The following LRRC4C variants were observed in gnomAD, a reference collection of about 807,000 sequenced individuals.
The protein encoded by LRRC4C is leucine rich repeat containing 4C, also known as leucine-rich repeat-containing protein 4C.
Under a neutral mutation model 33.6 loss-of-function variants are expected in LRRC4C, and 5 were observed. That is an observed-to-expected ratio of 0.15 (90% CI 0.08 to 0.31). The LOEUF (loss-of-function observed/expected upper bound fraction) is 0.31, where lower values mean the gene tolerates loss of function less well. LRRC4C is among the 10% of genes least tolerant of loss of function. The pLI is 1.00. For synonymous variants in LRRC4C, 329 were observed against 302.0 expected (o/e 1.09, Z -0.93); for missense variants, 560 against 796.7 (o/e 0.70, Z 3.58).
intron 3 of LRRC4C, among the ~76,000 whole-genome samples, chr11:40,438,630 A>G (rs1175292360): frequency 6.6e-6 from 1 of 152,216 alleles, no homozygotes; most frequent in Non-Finnish European, 1.5e-5. Context: ...GGAAGAGAAG[A>G]AAAACATTTT....
At chr11:40,417,550 C>G (rs566115797) in intron 3 of LRRC4C, among the ~76,000 whole-genome samples, 43 of 151,884 alleles carry the variant, frequency 2.8e-4, no homozygotes, top group African/African-American at 9.9e-4. Context: ...CCATGTTGGC[C>G]AGGCTCAAGT....
At chr11:40,832,511 A>G (rs1347987542) in intron 2 of LRRC4C, among the ~76,000 whole-genome samples, 1 of 152,178 alleles carries the variant, frequency 6.6e-6, no homozygotes, top group Non-Finnish European at 1.5e-5. Context: ...TAAATCCCAA[A>G]CTAGAATCTC....
intron 5 of LRRC4C, among the ~76,000 whole-genome samples, chr11:40,150,985 G>A (rs1385927801): frequency 6.6e-6 from 1 of 152,128 alleles, no homozygotes; most frequent in Non-Finnish European, 1.5e-5. Flanking sequence ...CTACCTAAAT[G>A]TCATCTGCTT....
chr11:40,365,594 A>T (rs1948172985), intron 3 of LRRC4C, among the ~76,000 whole-genome samples: 1 of 152,132 alleles, frequency 6.6e-6, no homozygotes, highest in Middle Eastern at 3.4e-3. Flanking sequence ...AAGTAGAAGG[A>T]TGTGTTAACC....
At chr11:40,252,510 C>A (rs1442496474) in intron 4 of LRRC4C, among the ~76,000 whole-genome samples, 1 of 152,004 alleles carries the variant, frequency 6.6e-6, no homozygotes, top group Non-Finnish European at 1.5e-5. Flanking sequence ...GTGAAAAGGT[C>A]AAGTACTGAT....
At chr11:40,876,887 G>A (rs959633539) in intron 2 of LRRC4C, among the ~76,000 whole-genome samples, 2 of 133,034 alleles carry the variant, frequency 1.5e-5, no homozygotes, top group African/African-American at 5.6e-5. Flanking sequence ...TGGCAACAGA[G>A]CGAGGCTCTT....
chr11:41,266,782 G>A (rs1356150329), intron 1 of LRRC4C, among the ~76,000 whole-genome samples: 1 of 152,118 alleles, frequency 6.6e-6, no homozygotes, highest in East Asian at 1.9e-4. Context: ...CCAGTGGCTT[G>A]TAGGAGCAAG....
intron 1 of LRRC4C, among the ~76,000 whole-genome samples, chr11:41,339,638 C>T (rs1297069704): frequency 1.3e-5 from 2 of 152,090 alleles, no homozygotes; most frequent in East Asian, 3.9e-4. Context: ...GCTACCATGA[C>T]TCAAACGCAT....
intron 3 of LRRC4C, among the ~76,000 whole-genome samples, chr11:40,552,971 A>G (rs892522841): frequency 3.3e-5 from 5 of 152,118 alleles, no homozygotes; most frequent in Admixed American, 3.3e-4. Flanking sequence ...ATATACCTGC[A>G]TATAAAAAGG....
intron 3 of LRRC4C, among the ~76,000 whole-genome samples, chr11:40,381,422 T>A (rs1029113083): frequency 6.6e-6 from 1 of 152,154 alleles, no homozygotes; most frequent in Non-Finnish European, 1.5e-5. Context: ...TTAAAATAAG[T>A]ATAAGAAAAT....
At chr11:41,064,325 T>C (rs958614529) in intron 1 of LRRC4C, among the ~76,000 whole-genome samples, 10 of 152,232 alleles carry the variant, frequency 6.6e-5, no homozygotes, top group African/African-American at 2.4e-4. Context: ...TTAAGCATTC[T>C]CTGCATTCCT....
intron 1 of LRRC4C, among the ~76,000 whole-genome samples, chr11:41,018,356 CA>C (rs1343053845): frequency 6.6e-6 from 1 of 152,136 alleles, no homozygotes; most frequent in Non-Finnish European, 1.5e-5. Context: ...TTGCAAAACA[CA>C]GCTACAGAAG....
intron 1 of LRRC4C, among the ~76,000 whole-genome samples, chr11:41,220,442 C>T (rs570506098): frequency 1.1e-4 from 16 of 148,690 alleles, no homozygotes; most frequent in East Asian, 4.0e-4. Context: ...CTTTTTTTGG[C>T]GGGGGGGTGT....
At chr11:41,092,320 C>T (rs562828016) in intron 1 of LRRC4C, among the ~76,000 whole-genome samples, 1 of 152,096 alleles carries the variant, frequency 6.6e-6, no homozygotes, top group Admixed American at 6.6e-5. Flanking sequence ...AAGCTTTCCA[C>T]ACCAAATTAC....
intron 2 of LRRC4C, among the ~76,000 whole-genome samples, chr11:40,914,301 A>G (rs1956839798): frequency 6.6e-6 from 1 of 152,208 alleles, no homozygotes; most frequent in South Asian, 2.1e-4. Flanking sequence ...ATCCTCAATA[A>G]AATACTGGCA....
At chr11:40,690,004 C>A (rs761604352) in intron 2 of LRRC4C, among the ~76,000 whole-genome samples, 1 of 152,084 alleles carries the variant, frequency 6.6e-6, no homozygotes, top group Non-Finnish European at 1.5e-5. Context: ...TTGTGCAATG[C>A]ATTCAAAGTA....
intron 2 of LRRC4C, among the ~76,000 whole-genome samples, chr11:40,723,367 A>T (rs1387787840): frequency 6.6e-6 from 1 of 152,134 alleles, no homozygotes; most frequent in Non-Finnish European, 1.5e-5. Flanking sequence ...GAAAAGCATC[A>T]TATCACCTAT....
At chr11:40,835,830 C>A (rs923206702) in intron 2 of LRRC4C, among the ~76,000 whole-genome samples, 1 of 152,048 alleles carries the variant, frequency 6.6e-6, no homozygotes, top group Non-Finnish European at 1.5e-5. Context: ...AATAGCATTC[C>A]TTTCCGTCAG....
At chr11:41,120,510 T>C (rs186269157) in intron 1 of LRRC4C, among the ~76,000 whole-genome samples, 8 of 152,184 alleles carry the variant, frequency 5.3e-5, no homozygotes, top group African/African-American at 1.9e-4. Flanking sequence ...GGATTGGAGG[T>C]TGGGGAGAAA....
Sources: allele counts gnomAD v4.1 joint callset (sites outside exome capture counted in the v4.1 genomes callset), GRCh38; gene constraint gnomAD v4.1.1; transcripts MANE v1.5; gene names NCBI Gene and HGNC (gene_info 2026-07-23, HGNC 2026-07-21).